Variants in CTNND2 observed in about 807,000 individuals in gnomAD.
The protein encoded by CTNND2 is catenin delta-2.
A neutral mutation model predicts 144.4 loss-of-function variants in CTNND2; 22 were observed. That is an observed-to-expected ratio of 0.15 (90% CI 0.11 to 0.22). The LOEUF (loss-of-function observed/expected upper bound fraction) is 0.22, where lower values mean the gene tolerates loss of function less well. Ranked by LOEUF, CTNND2 falls within the 10% of genes least tolerant of loss-of-function variation. The probability of loss-of-function intolerance (pLI) is 1.00; values close to 1 mark genes in which losing one functional copy is unlikely to be tolerated. For synonymous variants in CTNND2, 751 were observed against 695.6 expected, an observed-to-expected ratio of 1.08 and a Z score of -1.25; for missense variants, 1,353 against 1,618.8, an observed-to-expected ratio of 0.84 and a Z score of 2.82.
intron 5 of CTNND2, among the ~76,000 whole-genome samples, chr5:11,409,147 C>T (rs927293232): frequency 6.6e-6 from 1 of 151,876 alleles, no homozygotes; most frequent in Non-Finnish European, 1.5e-5. Flanking sequence ...TTAGTAAATG[C>T]TATGCAATTT....
chr5:11,672,968 G>T (rs1443432027), intron 2 of CTNND2, among the ~76,000 whole-genome samples: 1 of 152,108 alleles, frequency 6.6e-6, no homozygotes, highest in East Asian at 1.9e-4. Flanking sequence ...GATGAACCAG[G>T]TACCTCAGTT....
intron 3 of CTNND2, among the ~76,000 whole-genome samples, chr5:11,453,106 G>C (rs1561416677): frequency 6.6e-6 from 1 of 152,212 alleles, no homozygotes; most frequent in Non-Finnish European, 1.5e-5. Flanking sequence ...CACAGAGCTA[G>C]AAGGTGGCAA....
chr5:11,018,832 T>C (rs1417685949), intron 17 of CTNND2, among the ~76,000 whole-genome samples: 2 of 150,992 alleles, frequency 1.3e-5, no homozygotes, highest in South Asian at 2.1e-4. Context: ...TTCCTCAGCC[T>C]CCTGAGTAGC....
chr5:11,055,206 G>A lies in CTNND2; in HGVS notation c.2788+27490C>T, dbSNP rs141911813. ...TGAATGAACCAGGCTACCTAAACAAGTTGTGTGGAAGTCTTAAAGAACCCA... is the reference window on the plus strand; with the variant it reads ...TGAATGAACCAGGCTACCTAAACAAATTGTGTGGAAGTCTTAAAGAACCCA... On this transcript the variant is annotated intron_variant, in intron 16 of 21. Coordinates refer to ENST00000304623, the MANE Select transcript of CTNND2 (RefSeq NM_001332.4). Among the ~76,000 whole-genome samples the A allele has an allele frequency of 2.8e-3, 426 of 152,350 alleles. 2 individuals carry two copies. The highest frequency in any genetic ancestry group is 9.6e-3 in the African/African-American group (398 of 41,580).
At chr5:11,431,455 C>T (rs937058872) in intron 3 of CTNND2, among the ~76,000 whole-genome samples, 2 of 152,268 alleles carry the variant, frequency 1.3e-5, no homozygotes, top group South Asian at 2.1e-4. Context: ...TATGTTGAGA[C>T]GTAAAATGCA....
intron 2 of CTNND2, among the ~76,000 whole-genome samples, chr5:11,603,782 T>G (rs1301674431): frequency 2.0e-5 from 3 of 152,182 alleles, no homozygotes; most frequent in Admixed American, 1.3e-4. Flanking sequence ...TAAATACCTA[T>G]TTTGTTCCAG....
At chr5:11,539,445 TC>T (rs1774520098) in intron 3 of CTNND2, among the ~76,000 whole-genome samples, 1 of 152,200 alleles carries the variant, frequency 6.6e-6, no homozygotes, top group African/African-American at 2.4e-5. Flanking sequence ...AAGTGTGGTG[TC>T]CACCTAGCTA....
intron 10 of CTNND2, among the ~76,000 whole-genome samples, chr5:11,228,353 C>CTCA (rs1394769793): frequency 1.1e-4 from 3 of 26,742 alleles, no homozygotes; most frequent in African/African-American, 3.3e-4. Context: ...CTCTCTCTCT[C>CTCA]AAAAAAAAAA....
chr5:11,757,184 CAT>C (rs766855316), intron 1 of CTNND2, among the ~76,000 whole-genome samples: 4 of 151,250 alleles, frequency 2.6e-5, no homozygotes, highest in African/African-American at 4.9e-5. Context: ...GATATACACA[CAT>C]ATACACACAC....
chr5:11,130,195 G>C (rs1211338816), intron 12 of CTNND2, among the ~76,000 whole-genome samples: 1 of 152,048 alleles, frequency 6.6e-6, no homozygotes, highest in Non-Finnish European at 1.5e-5. Flanking sequence ...ACTACCTATT[G>C]GGGCTGGCCG....
At chr5:11,254,547 G>C (rs1744021420) in intron 9 of CTNND2, among the ~76,000 whole-genome samples, 1 of 152,134 alleles carries the variant, frequency 6.6e-6, no homozygotes, top group Non-Finnish European at 1.5e-5. Context: ...GCAGGCTGTG[G>C]TCAGAGGCAA....
chr5:11,149,717 A>T (rs1263100321), intron 12 of CTNND2, among the ~76,000 whole-genome samples: 2 of 152,146 alleles, frequency 1.3e-5, no homozygotes, highest in African/African-American at 4.8e-5. Context: ...ACTGAAAATG[A>T]GTGTATGACA....
intron 2 of CTNND2, among the ~76,000 whole-genome samples, chr5:11,593,896 T>C (rs1476457939): frequency 6.6e-6 from 1 of 150,410 alleles, no homozygotes; most frequent in African/African-American, 2.5e-5. Context: ...ATTAGAATGA[T>C]TAAAATTCAG....
chr5:11,456,289 A>T (rs1237110401), intron 3 of CTNND2, among the ~76,000 whole-genome samples: 4 of 147,050 alleles, frequency 2.7e-5, no homozygotes, highest in African/African-American at 1.0e-4. Context: ...CCCACATATA[A>T]TTTTTTTTTC....
chr5:11,634,920 T>C (rs1003680011), intron 2 of CTNND2, among the ~76,000 whole-genome samples: 4 of 151,980 alleles, frequency 2.6e-5, no homozygotes, highest in Non-Finnish European at 5.9e-5. Context: ...AACCTGGAGA[T>C]TAGGAACCTT....
intron 9 of CTNND2, among the ~76,000 whole-genome samples, chr5:11,249,566 T>C (rs910489679): frequency 3.9e-5 from 6 of 152,208 alleles, no homozygotes; most frequent in Non-Finnish European, 8.8e-5. Context: ...CAGTCATTCA[T>C]ATCAGCCAGG....
At position 11,220,222 on chromosome 5, in the gene CTNND2, T is replaced by C. The variant is rs16901415; in HGVS notation, c.1761+16469A>G. 3.0e-3 allele frequency among the ~76,000 whole-genome samples: 462 copies of C among 151,932 alleles called. 2 individuals carry two copies. The highest frequency in any genetic ancestry group is 0.01 in the African/African-American group (426 of 41,434). On this transcript the variant is annotated intron_variant, in intron 10 of 21. Transcript: ENST00000304623. The stretch of plus-strand genomic sequence containing the variant: ...AAATTTAGAGTGTGTTTGCATTACA[T>C]AGAAAAGAATAAAGAACAGCTGGGA...
At chr5:11,697,802 G>A (rs1333866881) in intron 2 of CTNND2, among the ~76,000 whole-genome samples, 1 of 152,188 alleles carries the variant, frequency 6.6e-6, no homozygotes, top group East Asian at 1.9e-4. Flanking sequence ...TAGGCGGGCA[G>A]TCAAGGAAGG....
intron 3 of CTNND2, among the ~76,000 whole-genome samples, chr5:11,471,464 A>G (rs1488192189): frequency 6.6e-6 from 1 of 152,164 alleles, no homozygotes; most frequent in Non-Finnish European, 1.5e-5. Flanking sequence ...CTCAGAATAC[A>G]CTGTTTCCTA....
Sources: gnomAD v4.1 joint callset for allele counts (sites outside exome capture counted in the v4.1 genomes callset) on GRCh38, gnomAD v4.1.1 for gene constraint, MANE v1.5 for transcripts, NCBI Gene and HGNC (gene_info 2026-07-23, HGNC 2026-07-21) for gene names.